SNX10: variants seen among roughly 807,000 people sequenced by gnomAD.
SNX10 encodes the protein sorting nexin-10.
SNX10 carries 25 observed loss-of-function variants against 28.5 expected under a neutral mutation model. The observed-to-expected ratio is 0.88, with a 90% CI of 0.64 to 1.22. SNX10 has a LOEUF of 1.22. SNX10 is among the 50% of genes most tolerant of loss of function. SNX10 has a pLI of 0.00. For missense variants in SNX10, 223 were observed against 242.6 expected, an observed-to-expected ratio of 0.92 and a Z score of 0.54; for synonymous variants, 62 against 81.4, an observed-to-expected ratio of 0.76 and a Z score of 1.28.
chr7:26,364,595 G>A lies in SNX10; in HGVS notation c.172G>A (p.Val58Met), dbSNP rs1199471425. ...TGTACGAAGAAGATATAGAGAATTCGTGTGGCTGAGGCAGAGACTCCAAAG... is the reference window on the plus strand; with the variant it reads ...TGTACGAAGAAGATATAGAGAATTCATGTGGCTGAGGCAGAGACTCCAAAG... ...SCVRRRYREF[V>M]WLRQRLQSNA... Residue 58 changes from valine (V) to methionine (M), a missense_variant, in exon 4 of 7, where the codon GTG (valine) becomes ATG (methionine). Val to Met is a conservative substitution (Grantham distance 21). Coordinates refer to ENST00000338523, the MANE Select transcript of SNX10 (RefSeq NM_013322.3). This position sits in a 1 kb window ranked among gnomAD's most constrained non-coding sequence, Gnocchi z 4.9. 5.6e-6 allele frequency: 9 copies of A among 1,613,954 alleles called. No individual in the cohort carries two copies. The highest frequency in any genetic ancestry group is 5.0e-5 in the Admixed American group (3 of 60,008).
chr7:26,361,775 T>A (rs567429975), intron 3 of SNX10, among the ~76,000 whole-genome samples: 4 of 152,360 alleles, frequency 2.6e-5, no homozygotes, highest in Admixed American at 6.5e-5. Flanking sequence ...CATAAATGAA[T>A]GAGCATAATT....
chr7:26,325,476 C>G (rs1787470874), intron 1 of SNX10, among the ~76,000 whole-genome samples: 1 of 149,644 alleles, frequency 6.7e-6, no homozygotes, highest in African/African-American at 2.5e-5. Flanking sequence ...ACCACACCCG[C>G]TAATTTTTTA....
chr7:26,306,383 C>G (rs1786593491), intron 1 of SNX10, among the ~76,000 whole-genome samples: 1 of 151,238 alleles, frequency 6.6e-6, no homozygotes. Context: ...CATTATTATC[C>G]TATCTGACAA....
At position 26,358,805 on chromosome 7, in the gene SNX10, G is replaced by GTTTGTTT. The variant is rs1554360946; in HGVS notation, c.25-2167_25-2166insGTTTTTT. ...GAGCATCACTATAGTGTTATCTTGT[G>GTTTGTTT]TTTTTTTTTTTTTTTTTTTGACCAA... On this transcript the variant is annotated intron_variant, in intron 2 of 6. Coordinates refer to ENST00000338523, the MANE Select transcript of SNX10 (RefSeq NM_013322.3). Among the ~76,000 whole-genome samples the GTTTGTTT allele has an allele frequency of 2.0e-5, 2 of 100,104 alleles. 1 individual carries two copies. The highest frequency in any genetic ancestry group is 6.2e-4 in the East Asian group (2 of 3,222). 65.7% of individuals were successfully genotyped at this position (100,104 alleles called of 152,430 possible).
chr7:26,364,776 A>G lies in SNX10; in HGVS notation c.212+141A>G. ...AATATGTAGCTTTAGTTTCTTAGCT[A>G]CTGCATCTGAATTTAAAATTTATCA... On this transcript the variant is annotated intron_variant, in intron 4 of 6. Transcript: ENST00000338523. The surrounding 1 kb of genome is among the most constrained non-coding windows in gnomAD (Gnocchi z 4.9). 1 of 664,176 alleles carries G rather than the reference A, an allele frequency of 1.5e-6. No homozygotes were observed. Among genetic ancestry groups the G allele is most frequent in the South Asian group, 2.2e-5 (1 of 45,332 alleles). The allele number at this position is 664,176 out of a possible 1,614,324, so 41.1% of individuals were successfully genotyped here. A position where few individuals can be genotyped will look rare whatever the true frequency, so the allele number is the denominator to read the frequency against.
chr7:26,349,771 G>A (rs771073343), intron 2 of SNX10, among the ~76,000 whole-genome samples: 24 of 152,196 alleles, frequency 1.6e-4, no homozygotes, highest in Non-Finnish European at 2.2e-4. Context: ...TGTGGAGCTA[G>A]GCATTTTTAT....
At position 26,292,517 on chromosome 7, in the gene SNX10, G is replaced by A. The variant is rs183233146; in HGVS notation, c.-24+431G>A. ...GTAGCCTTGAGTTGAGGAATTGGGA[G>A]GGGTAGGCAGGTTTATTCGTGGGAT... is the stretch of plus-strand genomic sequence containing the variant. On this transcript the variant is annotated intron_variant, in intron 1 of 6. Transcript: ENST00000338523. Among the ~76,000 whole-genome samples the A allele has an allele frequency of 9.2e-5, 14 of 152,246 alleles. No individual in the cohort carries two copies. In the East Asian group the frequency reaches 1.7e-3, roughly 19 times the overall value.
intron 2 of SNX10, among the ~76,000 whole-genome samples, chr7:26,359,726 C>T (rs1187834080): frequency 2.0e-5 from 3 of 151,040 alleles, no homozygotes; most frequent in African/African-American, 7.3e-5. Context: ...TGCAGTGATG[C>T]GATCTCGGCT....
intron 1 of SNX10, among the ~76,000 whole-genome samples, chr7:26,298,957 G>T (rs1230367852): frequency 1.3e-5 from 2 of 152,122 alleles, no homozygotes; most frequent in African/African-American, 4.8e-5. Flanking sequence ...CCCATCAGAG[G>T]CCCTGTTTCC....
intron 1 of SNX10, among the ~76,000 whole-genome samples, chr7:26,299,143 A>G (rs1341934192): frequency 6.6e-6 from 1 of 152,092 alleles, no homozygotes; most frequent in Admixed American, 6.6e-5. Flanking sequence ...GACAGTCATT[A>G]CCTGTGGAGA....
rs1056953056 is a variant in SNX10, at chr7:26,334,937, A to G, written c.-23-11483A>G. Among the ~76,000 whole-genome samples, 4 of 152,160 alleles carry G rather than the reference A, an allele frequency of 2.6e-5. No homozygotes were observed. The East Asian group carries it at 5.8e-4, about 22-fold the overall frequency. ...CTGCTTGCTCTGCAGGCCCTCCCCA[A>G]AAGCGTACGGCTGCCTGCCTTCAGC... On this transcript the variant is annotated intron_variant, in intron 1 of 6. Transcript: ENST00000338523.
intron 1 of SNX10, among the ~76,000 whole-genome samples, chr7:26,340,007 T>TA (rs1788119577): frequency 6.6e-6 from 1 of 152,144 alleles, no homozygotes; most frequent in African/African-American, 2.4e-5. Flanking sequence ...CTTTGCCGTT[T>TA]TTTTTTTAAA....
In SNX10 at chr7:26,346,980, C is replaced by T. The variant is rs566752036; in HGVS notation, c.24+514C>T. On this transcript the variant is annotated intron_variant, in intron 2 of 6. Transcript: ENST00000338523. The stretch of plus-strand genomic sequence containing the variant: ...CCTGACTGGGAGGAGCGTAGGACAG[C>T]CCTCATGCCAGCCCCGGCTGAGTGT... 5.3e-5 allele frequency among the ~76,000 whole-genome samples: 8 copies of T among 152,376 alleles called. 1 individual carries two copies. The highest frequency in any genetic ancestry group is 1.9e-4 in the African/African-American group (8 of 41,594).
At chr7:26,320,238 T>G (rs1433497106) in intron 1 of SNX10, among the ~76,000 whole-genome samples, 1 of 151,796 alleles carries the variant, frequency 6.6e-6, no homozygotes, top group Non-Finnish European at 1.5e-5. Context: ...TGCCTCGCCC[T>G]CCCAAAGTAT....
Position 26,313,194 on chromosome 7 carries a change from G to A in SNX10, c.-24+21108G>A, listed in dbSNP as rs185239388. On this transcript the variant is annotated intron_variant, in intron 1 of 6. Coordinates refer to ENST00000338523, the MANE Select transcript of SNX10 (RefSeq NM_013322.3). ...GAGGCTAACTAAAAACCATTTAGCA[G>A]ATACCTGCCCCCACTTTTTAAAAAA... Among the ~76,000 whole-genome samples, 1,206 of 152,310 alleles carry A rather than the reference G, an allele frequency of 7.9e-3. 6 individuals are homozygous for A. Among genetic ancestry groups the A allele is most frequent in the Non-Finnish European group, 0.011 (778 of 68,030 alleles).
chr7:26,327,265 T>G (rs2128002822), intron 1 of SNX10, among the ~76,000 whole-genome samples: 1 of 152,292 alleles, frequency 6.6e-6, no homozygotes, highest in South Asian at 2.1e-4. Flanking sequence ...TTAATTATCT[T>G]TTGAAGTGCA....
intron 1 of SNX10, among the ~76,000 whole-genome samples, chr7:26,330,482 G>A (rs995529567): frequency 1.3e-5 from 2 of 152,116 alleles, no homozygotes; most frequent in African/African-American, 2.4e-5. Flanking sequence ...GGGTGGAGAA[G>A]CCGGGGTGCA....
At chr7:26,342,683 A>G (rs569826129) in intron 1 of SNX10, among the ~76,000 whole-genome samples, 2 of 152,334 alleles carry the variant, frequency 1.3e-5, no homozygotes, top group African/African-American at 4.8e-5. Context: ...AGAAAATGAC[A>G]TGATCACCAT....
intron 1 of SNX10, among the ~76,000 whole-genome samples, chr7:26,315,923 C>T (rs758418060): frequency 6.6e-6 from 1 of 151,946 alleles, no homozygotes; most frequent in Non-Finnish European, 1.5e-5. Flanking sequence ...TGGCTCACTC[C>T]TGTAATCCCA....
Sources: allele counts gnomAD v4.1 joint callset (sites outside exome capture counted in the v4.1 genomes callset), GRCh38; gene constraint gnomAD v4.1.1; non-coding constraint Gnocchi (gnomAD v3.1); transcripts MANE v1.5; gene names NCBI Gene and HGNC (gene_info 2026-07-23, HGNC 2026-07-21).